Variants in ZYG11B observed in about 807,000 individuals in gnomAD.
ZYG11B encodes the protein zyg-11 family member B, cell cycle regulator, also known as protein zyg-11 homolog B.
A neutral mutation model predicts 82.4 loss-of-function variants in ZYG11B; 36 were observed. The ratio of observed to expected loss-of-function variants is 0.44; its 90% confidence interval spans 0.33 to 0.58. The LOEUF (loss-of-function observed/expected upper bound fraction) is 0.58, where lower values mean the gene tolerates loss of function less well. Ranked by LOEUF, ZYG11B falls within the 20% of genes least tolerant of loss-of-function variation. ZYG11B has a pLI of 0.02. For missense variants in ZYG11B, 552 were observed against 895.6 expected, an observed-to-expected ratio of 0.62 and a Z score of 4.90; for synonymous variants, 303 against 312.8, an observed-to-expected ratio of 0.97 and a Z score of 0.33.
In ZYG11B at chr1:52,827,328, T is replaced by C. The variant is rs942211558; in HGVS notation, c.*5699T>C. ...ATTTTTTTTGCCTAAATAAATGTTA[T>C]AAATTTTATGTAAAGTGTGTCTTGT... On this transcript the variant is annotated 3_prime_UTR_variant, in exon 14 of 14. Coordinates refer to ENST00000294353, the MANE Select transcript of ZYG11B (RefSeq NM_024646.3). 5 of 152,210 alleles carry C rather than the reference T, an allele frequency of 3.3e-5. No homozygotes were observed. Among genetic ancestry groups the C allele is most frequent in the Non-Finnish European group, 5.9e-5 (4 of 68,032 alleles). The allele number at this position is 152,210 out of a possible 1,614,324, so 9.4% of individuals were successfully genotyped here. A position where few individuals can be genotyped will look rare whatever the true frequency, so the allele number is the denominator to read the frequency against.
chr1:52,732,899 G>A (rs978020875), intron 1 of ZYG11B, among the ~76,000 whole-genome samples: 115 of 151,610 alleles, frequency 7.6e-4, no homozygotes, highest in African/African-American at 2.5e-3. Context: ...ACTTGAACCC[G>A]GGGGGCGCGG....
At chr1:52,779,062 G>A (rs1049621652) in intron 3 of ZYG11B, among the ~76,000 whole-genome samples, 5 of 152,174 alleles carry the variant, frequency 3.3e-5, no homozygotes, top group African/African-American at 7.2e-5. Context: ...CTAAGAAAGT[G>A]TCCTTAACTT....
At position 52,771,700 on chromosome 1, in the gene ZYG11B, A is replaced by T. The variant is rs1644752660; in HGVS notation, c.877A>T (p.Ser293Cys). 1 of 1,614,222 alleles carries T rather than the reference A, an allele frequency of 6.2e-7. No individual in the cohort carries two copies. Among genetic ancestry groups the T allele is most frequent in the Non-Finnish European group, 8.5e-7 (1 of 1,180,038 alleles). The change falls in exon 3 of 14, where the codon AGC becomes TGC. Residue 293 changes from serine to cysteine, a missense_variant. Around this residue, in one of 3 missense-constraint regions of ZYG11B, gnomAD observed 359 missense variants for 555.8 expected, o/e 0.65. Transcript: ENST00000294353. This position sits in a 1 kb window ranked among gnomAD's most constrained non-coding sequence, Gnocchi z 5.4. ...TGAAGCCTTTATACAACAACGTCCA[A>T]GCATGCAATTTGTAGGTTTGCTGGC... ...AVEAFIQQRP[S>C]MQFVGLLATD... is the part of the protein sequence containing the mutation.
At chr1:52,772,756 C>T (rs1399435037) in intron 3 of ZYG11B, 3 of 604,878 alleles carry the variant, frequency 5.0e-6, no homozygotes, top group African/African-American at 3.7e-5. Context: ...TGGCTCACTG[C>T]AAGCTCTGCC....
At chr1:52,789,903 A>G in intron 5 of ZYG11B, 100 bp from the exon 6 acceptor site, 1 of 793,394 alleles carries the variant, frequency 1.3e-6, no homozygotes, top group Non-Finnish European at 1.9e-6. Flanking sequence ...CTGGTGTTTC[A>G]TCAGTCTTCT....
At position 52,826,790 on chromosome 1, in the gene ZYG11B, G is replaced by T. The variant is rs962077957; in HGVS notation, c.*5161G>T. The T allele has an allele frequency of 1.3e-5, 2 of 152,138 alleles. No homozygotes were observed. The highest frequency in any genetic ancestry group is 2.9e-5 in the Non-Finnish European group (2 of 68,020). 9.4% of individuals were successfully genotyped at this position (152,138 alleles called of 1,614,324 possible). ...CAAGTTTATCAAAATTATTTTGTGG[G>T]AAATCATCAATCTATTTTATTAATG... is the stretch of plus-strand genomic sequence containing the variant. On this transcript the variant is annotated 3_prime_UTR_variant, in exon 14 of 14. Transcript: ENST00000294353.
In ZYG11B at chr1:52,823,659, A is replaced by G. The variant is rs1345516289; in HGVS notation, c.*2030A>G. 6.6e-6 allele frequency: 1 copy of G among 152,112 alleles called. No individual in the cohort carries two copies. Among genetic ancestry groups the G allele is most frequent in the Non-Finnish European group, 1.5e-5 (1 of 68,034 alleles). The allele number at this position is 152,112 out of a possible 1,614,324, so 9.4% of individuals were successfully genotyped here. A position where few individuals can be genotyped will look rare whatever the true frequency, so the allele number is the denominator to read the frequency against. On this transcript the variant is annotated 3_prime_UTR_variant, in exon 14 of 14. Transcript: ENST00000294353. ...ATCTAGTGTAGTTAAGGGAAAGCCTATTTAAGAAGTTTGGCTTCAAGTTTC... is the reference window on the plus strand; with the variant it reads ...ATCTAGTGTAGTTAAGGGAAAGCCTGTTTAAGAAGTTTGGCTTCAAGTTTC...
At chr1:52,811,183 T>G (rs1645179850) in intron 10 of ZYG11B, among the ~76,000 whole-genome samples, 1 of 152,220 alleles carries the variant, frequency 6.6e-6, no homozygotes, top group South Asian at 2.1e-4. Flanking sequence ...TTATTTTGCT[T>G]TGATTTTTTG....
intron 10 of ZYG11B, chr1:52,805,279 G>A: frequency 3.0e-6 from 1 of 338,564 alleles, no homozygotes; most frequent in Non-Finnish European, 5.8e-6. Context: ...GTTAAAAAAT[G>A]TAAATTGGAG....
intron 8 of ZYG11B, among the ~76,000 whole-genome samples, chr1:52,797,385 C>CAT (rs1472099191): frequency 1.9e-5 from 1 of 54,020 alleles, no homozygotes; most frequent in African/African-American, 8.0e-5. Context: ...ATATATAATA[C>CAT]ATATATATCA....
intron 7 of ZYG11B, 152 bp downstream of exon 7, chr1:52,796,543 G>A: frequency 1.1e-6 from 1 of 918,330 alleles, no homozygotes; most frequent in Non-Finnish European, 1.6e-6. Flanking sequence ...AATTTGGCTG[G>A]GCACAGTGAT....
At chr1:52,806,825 A>T (rs12063850) in intron 10 of ZYG11B, among the ~76,000 whole-genome samples, 3,820 of 151,690 alleles carry the variant, frequency 0.025, 165 homozygotes, top group African/African-American at 0.087. Context: ...TGATTTTTAA[A>T]TTTTTTTAAA....
At chr1:52,730,843 A>T (rs1359286866) in intron 1 of ZYG11B, among the ~76,000 whole-genome samples, 1 of 108,960 alleles carries the variant, frequency 9.2e-6, no homozygotes, top group Admixed American at 8.2e-5. Flanking sequence ...AGACCTCATT[A>T]AAAAAAAAAA....
Position 52,823,724 on chromosome 1 carries a change from A to AT in ZYG11B, c.*2096dup, listed in dbSNP as rs1025847185. 4.6e-5 allele frequency: 7 copies of AT among 152,302 alleles called. No individual in the cohort carries two copies. Among genetic ancestry groups the AT allele is most frequent in the African/African-American group, 1.7e-4 (7 of 41,556 alleles). 9.4% of individuals were successfully genotyped at this position (152,302 alleles called of 1,614,324 possible). ...AAAGTGCATATTTCTTTACAGGCTAATGCTAGGTTTTTGTCTTTACAAATT... is the reference window on the plus strand; with the variant it reads ...AAAGTGCATATTTCTTTACAGGCTAATTGCTAGGTTTTTGTCTTTACAAATT... On this transcript the variant is annotated 3_prime_UTR_variant, in exon 14 of 14. Coordinates refer to ENST00000294353, the MANE Select transcript of ZYG11B (RefSeq NM_024646.3).
At chr1:52,733,203 A>T (rs989232363) in intron 1 of ZYG11B, among the ~76,000 whole-genome samples, 26 of 152,268 alleles carry the variant, frequency 1.7e-4, no homozygotes, top group African/African-American at 6.0e-4. Context: ...GTTTTATCAG[A>T]TTTTACTCTG....
At chr1:52,741,672 G>A (rs1431271834) in intron 1 of ZYG11B, among the ~76,000 whole-genome samples, 4 of 151,920 alleles carry the variant, frequency 2.6e-5, no homozygotes, top group Non-Finnish European at 5.9e-5. Flanking sequence ...GAAAATGCGG[G>A]GTTTTTTTCT....
At chr1:52,731,460 A>G (rs747686165) in intron 1 of ZYG11B, among the ~76,000 whole-genome samples, 1 of 152,180 alleles carries the variant, frequency 6.6e-6, no homozygotes, top group Non-Finnish European at 1.5e-5. Flanking sequence ...GCACTTTTTC[A>G]TAGAATACAT....
intron 1 of ZYG11B, among the ~76,000 whole-genome samples, chr1:52,732,562 CT>C (rs1235659747): frequency 1.3e-5 from 2 of 152,078 alleles, no homozygotes; most frequent in African/African-American, 2.4e-5. Flanking sequence ...GATTGAGACA[CT>C]GTGATTACAG....
chr1:52,793,661 A>G (rs1259738362), intron 6 of ZYG11B, among the ~76,000 whole-genome samples: 3 of 152,154 alleles, frequency 2.0e-5, no homozygotes, highest in Admixed American at 1.3e-4. Context: ...CTGACTTGAG[A>G]ATCTCTACAC....
Sources: gnomAD v4.1 joint callset for allele counts (sites outside exome capture counted in the v4.1 genomes callset) on GRCh38, gnomAD v4.1.1 for gene constraint, gnomAD v4.1.1 regional missense constraint, Gnocchi (gnomAD v3.1) non-coding constraint, MANE v1.5 for transcripts, NCBI Gene and HGNC (gene_info 2026-07-23, HGNC 2026-07-21) for gene names.